The following DGKG variants were observed in gnomAD, a reference collection of about 807,000 sequenced individuals.
The protein encoded by DGKG is diacylglycerol kinase gamma.
A neutral mutation model predicts 105.3 loss-of-function variants in DGKG; 78 were observed. The observed-to-expected ratio is 0.74, with a 90% CI of 0.62 to 0.89. DGKG has a LOEUF of 0.89. DGKG is among the 40% of genes least tolerant of loss of function. The pLI is 0.00. For synonymous variants in DGKG, 346 were observed against 367.1 expected (o/e 0.94, Z 0.66); for missense variants, 958 against 1,020.1 (o/e 0.94, Z 0.83).
chr3:186,152,401 T>C (rs772466194), intron 24 of DGKG, among the ~76,000 whole-genome samples: 1 of 152,198 alleles, frequency 6.6e-6, no homozygotes, highest in Non-Finnish European at 1.5e-5. Context: ...CAATGTAGCA[T>C]TCTTTGTTCC....
intron 19 of DGKG, among the ~76,000 whole-genome samples, chr3:186,247,886 C>A (rs1336669876): frequency 6.6e-6 from 1 of 152,188 alleles, no homozygotes; most frequent in Non-Finnish European, 1.5e-5. Context: ...GGTAAATTAT[C>A]TTGACCACTG....
At chr3:186,216,147 C>A (rs543253412) in intron 20 of DGKG, among the ~76,000 whole-genome samples, 1 of 151,994 alleles carries the variant, frequency 6.6e-6, no homozygotes, top group South Asian at 2.1e-4. Context: ...TACAGGCATG[C>A]GCCACCACTC....
At chr3:186,270,164 C>T (rs915336049) in intron 11 of DGKG, among the ~76,000 whole-genome samples, 5 of 152,084 alleles carry the variant, frequency 3.3e-5, no homozygotes, top group African/African-American at 4.8e-5. Context: ...CTCACTCTGT[C>T]GCCCAGGCTG....
rs548717635 is a variant in DGKG at position 186,327,571 on chromosome 3, AT to A, written c.-248-6865del. Reference sequence around the variant, plus strand: ...AGGTGTATGCCACTATGACCTGCTAATTTTTTTTTTTTTTAACTTTTTGTAG... The same window carrying A: ...AGGTGTATGCCACTATGACCTGCTAATTTTTTTTTTTTTAACTTTTTGTAG... On this transcript the variant is annotated intron_variant, in intron 1 of 24. Transcript: ENST00000265022. Among the ~76,000 whole-genome samples the A allele has an allele frequency of 9.1e-3, 1,294 of 142,358 alleles. 6 individuals carry two copies. The highest frequency in any genetic ancestry group is 0.027 in the South Asian group (120 of 4,408). The allele number at this position is 142,358 out of a possible 152,430, so 93.4% of individuals were successfully genotyped here.
intron 2 of DGKG, 92 bp from the exon 3 acceptor site, chr3:186,307,069 G>A: frequency 1.2e-6 from 1 of 857,020 alleles, no homozygotes; most frequent in South Asian, 1.4e-5. Context: ...TGTTTATGTT[G>A]GAGCTGCCCC....
At chr3:186,298,468 G>A (rs1051400805) in intron 3 of DGKG, among the ~76,000 whole-genome samples, 1 of 152,162 alleles carries the variant, frequency 6.6e-6, no homozygotes, top group African/African-American at 2.4e-5. Context: ...ATTGGGGCTT[G>A]GTGGGGCACA....
chr3:186,229,016 C>A lies in DGKG; in HGVS notation c.1826+13488G>T, dbSNP rs77204443. Among the ~76,000 whole-genome samples, 1,005 of 152,262 alleles carry A rather than the reference C, an allele frequency of 6.6e-3. 10 individuals carry two copies. Among genetic ancestry groups the A allele is most frequent in the Non-Finnish European group, 0.01 (698 of 68,028 alleles). ...TATACCGGGTTAGGGTGGGTCCAATCCAGTGACTGACGTCCTTATAAGAAG... is the reference window on the plus strand; with the variant it reads ...TATACCGGGTTAGGGTGGGTCCAATACAGTGACTGACGTCCTTATAAGAAG... On this transcript the variant is annotated intron_variant, in intron 20 of 24. Transcript: ENST00000265022.
chr3:186,275,448 G>A, intron 10 of DGKG, 99 bp downstream of exon 10: 1 of 1,043,408 alleles, frequency 9.6e-7, no homozygotes, highest in Non-Finnish European at 1.5e-6. Context: ...CCTCAAGCTG[G>A]GAAGCAGAAA....
At chr3:186,253,962 A>T (rs1721341704) in intron 17 of DGKG, among the ~76,000 whole-genome samples, 1 of 152,218 alleles carries the variant, frequency 6.6e-6, no homozygotes, top group African/African-American at 2.4e-5. Context: ...CCAGTTTGTC[A>T]CTTCCACCAC....
rs766380636 is a variant in DGKG at position 186,360,988 on chromosome 3, G to C, written c.-249+958C>G. On this transcript the variant is annotated intron_variant, in intron 1 of 24. Coordinates refer to ENST00000265022, the MANE Select transcript of DGKG (RefSeq NM_001346.3). ...GAGAGCGCGCCCACGGGTTCACAGC[G>C]CTCCCGGGCACCACTGCGGCGCAGC... Among the ~76,000 whole-genome samples, 6 of 152,346 alleles carry C rather than the reference G, an allele frequency of 3.9e-5. No homozygotes were observed. In the East Asian group the frequency reaches 1.2e-3, roughly 29 times the overall value.
intron 22 of DGKG, among the ~76,000 whole-genome samples, chr3:186,177,396 C>T (rs1717133755): frequency 6.6e-6 from 1 of 152,200 alleles, no homozygotes; most frequent in Admixed American, 6.5e-5. Flanking sequence ...TGCATTTCAT[C>T]TTGTTCATTC....
At position 186,267,749 on chromosome 3, in the gene DGKG, A is replaced by G. The variant is rs745557492; in HGVS notation, c.1145T>C (p.Leu382Ser). ...GTCTCTGAGTTCCCCACCGTCACAC[A>G]ACGTTGATAATTCACATTTGCGGTG... Reference protein sequence around the residue: ...TFHRKCELSTLCDGGELRDHI... With the variant: ...TFHRKCELSTSCDGGELRDHI... The change falls in exon 13 of 25, where the codon TTG (leucine) becomes TCG (serine). Residue 382 changes from leucine (L) to serine (S), a missense_variant. Physicochemically the swap from Leu to Ser is moderately radical, Grantham distance 145. This residue lies in a region of DGKG where 643 missense variants were observed against 619.5 expected (regional missense o/e 1.04). Coordinates refer to ENST00000265022, the MANE Select transcript of DGKG (RefSeq NM_001346.3). 8 of 1,613,982 alleles carry G rather than the reference A, an allele frequency of 5.0e-6. No homozygotes were observed. Among genetic ancestry groups the G allele is most frequent in the Non-Finnish European group, 6.8e-6 (8 of 1,179,932 alleles).
intron 22 of DGKG, among the ~76,000 whole-genome samples, chr3:186,187,373 C>T (rs758407214): frequency 6.6e-5 from 10 of 152,046 alleles, no homozygotes; most frequent in Middle Eastern, 3.2e-3. Flanking sequence ...GGCTGTGAGC[C>T]GTGAGATAAA....
At chr3:186,328,106 A>G (rs1725435860) in intron 1 of DGKG, among the ~76,000 whole-genome samples, 1 of 152,176 alleles carries the variant, frequency 6.6e-6, no homozygotes, top group Non-Finnish European at 1.5e-5. Flanking sequence ...CATGCCTTTG[A>G]TCTACTTGAA....
intron 1 of DGKG, among the ~76,000 whole-genome samples, chr3:186,326,447 A>ATCTCTCTCTCTC (rs60832383): frequency 2.2e-5 from 3 of 138,998 alleles, no homozygotes; most frequent in Non-Finnish European, 3.2e-5. Flanking sequence ...CACACCCCTC[A>ATCTCTCTCTCTC]TCTCTCTCTC....
intron 19 of DGKG, among the ~76,000 whole-genome samples, chr3:186,249,133 G>C (rs1041428424): frequency 2.0e-5 from 3 of 152,174 alleles, no homozygotes; most frequent in Non-Finnish European, 2.9e-5. Context: ...TGAGCACGAA[G>C]AGGAGGGAGG....
chr3:186,356,952 G>A (rs1045491924), intron 1 of DGKG, among the ~76,000 whole-genome samples: 1 of 152,180 alleles, frequency 6.6e-6, no homozygotes, highest in Admixed American at 6.5e-5. Context: ...CCCATCAGTA[G>A]GAGAGGGGAG....
At chr3:186,349,890 T>G (rs990392526) in intron 1 of DGKG, among the ~76,000 whole-genome samples, 1 of 124,656 alleles carries the variant, frequency 8.0e-6, no homozygotes. Context: ...CCACAGAACC[T>G]TTTTTTTTTT....
intron 14 of DGKG, among the ~76,000 whole-genome samples, chr3:186,264,333 G>C (rs904866042): frequency 1.3e-5 from 2 of 151,532 alleles, no homozygotes; most frequent in East Asian, 3.9e-4. Context: ...GCAGAATCTC[G>C]GCTCACTGCA....
Sources: allele counts gnomAD v4.1 joint callset (sites outside exome capture counted in the v4.1 genomes callset), GRCh38; gene constraint gnomAD v4.1.1; regional missense constraint gnomAD v4.1.1; transcripts MANE v1.5; gene names NCBI Gene and HGNC (gene_info 2026-07-23, HGNC 2026-07-21).